The following POLE variants were observed in gnomAD, a reference collection of about 807,000 sequenced individuals.
POLE encodes the protein DNA polymerase epsilon, catalytic subunit.
POLE carries 188 observed loss-of-function variants against 279.2 expected under a neutral mutation model. That is an observed-to-expected ratio of 0.67 (90% CI 0.60 to 0.76). The LOEUF (loss-of-function observed/expected upper bound fraction) is 0.76. Among genes scored for constraint, POLE ranks in the 30% least tolerant of loss-of-function variants. POLE has a pLI of 0.00. For missense variants in POLE, 2,703 were observed against 3,016.7 expected, an observed-to-expected ratio of 0.90 and a Z score of 2.44; for synonymous variants, 1,214 against 1,172.5, an observed-to-expected ratio of 1.04 and a Z score of -0.72.
chr12:132,628,753 C>A (rs1382643467), intron 45 of POLE, among the ~76,000 whole-genome samples: 1 of 152,228 alleles, frequency 6.6e-6, no homozygotes, highest in Non-Finnish European at 1.5e-5. Flanking sequence ...CCTGAGATTG[C>A]AGCAACTTGG....
intron 15 of POLE, 81 bp downstream of exon 15, chr12:132,672,546 C>A (rs370245625): frequency 1.4e-6 from 2 of 1,432,376 alleles, no homozygotes; most frequent in East Asian, 2.3e-5. Flanking sequence ...GGAGAAGGGG[C>A]TTTATTTCAG....
At position 132,642,619 on chromosome 12, in the gene POLE, C is replaced by T. The variant is rs757552478; in HGVS notation, c.4839G>A (p.Val1613=). 3 of 1,613,522 alleles carry T rather than the reference C, an allele frequency of 1.9e-6. No homozygotes were observed. Among genetic ancestry groups the T allele is most frequent in the Admixed American group, 3.3e-5 (2 of 60,030 alleles). Residue 1613 remains valine (V), a synonymous_variant, in exon 37 of 49, where the codon GTG becomes GTA. Transcript: ENST00000320574. ...LEEFPLVPIC[V]ADKINYGVLD... The stretch of plus-strand genomic sequence containing the variant: ...GGACCCCATAGTTGATCTTGTCAGC[C>T]ACACAGATAGGCACCAGTGGGAATT...
intron 39 of POLE, chr12:132,641,332 G>A (rs149542405): frequency 4.0e-4 from 174 of 434,564 alleles, no homozygotes; most frequent in Non-Finnish European, 4.5e-4. Flanking sequence ...ATACTCAGTA[G>A]AGCTGGCTGG....
At chr12:132,670,010 T>A (rs1254184216) in intron 16 of POLE, among the ~76,000 whole-genome samples, 3 of 152,130 alleles carry the variant, frequency 2.0e-5, no homozygotes, top group African/African-American at 7.2e-5. Flanking sequence ...GAGCCTGGCA[T>A]CCTCACATCT....
intron 45 of POLE, among the ~76,000 whole-genome samples, chr12:132,629,068 C>A (rs74654992): frequency 6.6e-6 from 1 of 152,186 alleles, no homozygotes; most frequent in East Asian, 1.9e-4. Flanking sequence ...AAATAATAAA[C>A]GTTGAAAGTC....
In POLE at chr12:132,657,859, G is replaced by A. The variant is rs2138662512; in HGVS notation, c.3378+9C>T. 2 of 1,573,694 alleles carry A rather than the reference G, an allele frequency of 1.3e-6. No homozygotes were observed. The highest frequency in any genetic ancestry group is 1.7e-6 in the Non-Finnish European group (2 of 1,143,136). On this transcript the variant is annotated intron_variant, in intron 27 of 48. Transcript: ENST00000320574. ...ACTTTTAAGAGTAGAGAACGCAACTGGCACTCACTGCTCGAATATCAAAGT... is the reference window on the plus strand; with the variant it reads ...ACTTTTAAGAGTAGAGAACGCAACTAGCACTCACTGCTCGAATATCAAAGT...
chr12:132,657,055 C>T, intron 29 of POLE, 81 bp downstream of exon 29: 2 of 1,458,140 alleles, frequency 1.4e-6, no homozygotes, highest in Non-Finnish European at 1.9e-6. Flanking sequence ...TTCACTACAG[C>T]ACACACAGCA....
At chr12:132,629,274 C>T (rs887966128) in intron 45 of POLE, among the ~76,000 whole-genome samples, 24 of 152,324 alleles carry the variant, frequency 1.6e-4, no homozygotes, top group Admixed American at 5.2e-4. Flanking sequence ...GCAGTGGCTT[C>T]GACTTAAAGT....
At position 132,642,709 on chromosome 12, in the gene POLE, T is replaced by C. The variant is rs878854877; in HGVS notation, c.4749A>G (p.Thr1583=). Residue 1583 remains threonine (T), a synonymous_variant, in exon 37 of 49, where the codon ACA becomes ACG. Transcript: ENST00000320574. The stretch of plus-strand genomic sequence containing the variant: ...CCCAGCTGGACTGAACAGCGATGAG[T>C]GTGGGCCCCCGGCGCTCCTCCTGGG... ...LAYKEERRGP[T]LIAVQSSWEL... is the part of the protein sequence containing the mutation. The C allele has an allele frequency of 6.2e-6, 10 of 1,613,364 alleles. No individual in the cohort carries two copies. Among genetic ancestry groups the C allele is most frequent in the Non-Finnish European group, 7.6e-6 (9 of 1,179,764 alleles).
intron 41 of POLE, among the ~76,000 whole-genome samples, chr12:132,636,399 C>T (rs556809417): frequency 5.4e-5 from 8 of 148,586 alleles, no homozygotes; most frequent in African/African-American, 2.0e-4. Context: ...GTTAAGCCTC[C>T]CTAGCGCTGA....
rs2043137359 is a variant in POLE, at chr12:132,680,157, G to C, written c.330+21C>G. 6 of 1,612,830 alleles carry C rather than the reference G, an allele frequency of 3.7e-6. No homozygotes were observed. The East Asian group carries it at 1.3e-4, about 36-fold the overall frequency. On this transcript the variant is annotated intron_variant, in intron 4 of 48. Coordinates refer to ENST00000320574, the MANE Select transcript of POLE (RefSeq NM_006231.4). Reference sequence around the variant, plus strand: ...GAATGACACACAGGTCGTCTGACCTGAGTCTATGAAACACACTCACCTTTC... The same window carrying C: ...GAATGACACACAGGTCGTCTGACCTCAGTCTATGAAACACACTCACCTTTC...
In POLE at chr12:132,687,131, C is replaced by A. The variant is rs1593098454; in HGVS notation, c.62+123G>T. On this transcript the variant is annotated intron_variant, in intron 1 of 48. Transcript: ENST00000320574. ...GGCGCGCCGCCCTACCCCAGTCAGG[C>A]GCGGCGAGTGCGGGCGGCTGCGGGA... 1.4e-5 allele frequency: 7 copies of A among 506,674 alleles called. No homozygotes were observed. In the East Asian group the frequency reaches 2.6e-4, roughly 19 times the overall value. The allele number at this position is 506,674 out of a possible 1,614,324, so 31.4% of individuals were successfully genotyped here.
chr12:132,681,515 T>G (rs1351279673), intron 1 of POLE, among the ~76,000 whole-genome samples: 1 of 152,106 alleles, frequency 6.6e-6, no homozygotes, highest in Non-Finnish European at 1.5e-5. Context: ...GGCTAATTTT[T>G]TGTATTTTTA....
intron 26 of POLE, 68 bp downstream of exon 26, chr12:132,659,227 C>T (rs5744864): frequency 3.5e-5 from 52 of 1,495,768 alleles, no homozygotes; most frequent in African/African-American, 1.6e-4. Context: ...CTCTCCGTGA[C>T]GGAGGGAGCC....
chr12:132,678,731 G>C (rs2043108702), intron 6 of POLE, among the ~76,000 whole-genome samples: 1 of 152,226 alleles, frequency 6.6e-6, no homozygotes, highest in Non-Finnish European at 1.5e-5. Flanking sequence ...GCCTGTGCAT[G>C]GGTCTCTGCC....
At chr12:132,644,764 C>T (rs2042238411) in intron 32 of POLE, among the ~76,000 whole-genome samples, 5 of 102,824 alleles carry the variant, frequency 4.9e-5, no homozygotes, top group Non-Finnish European at 7.7e-5. Context: ...GGAGAGGGGG[C>T]ACCCTAGCTC....
intron 29 of POLE, among the ~76,000 whole-genome samples, chr12:132,656,131 G>A (rs1276199660): frequency 6.6e-6 from 1 of 151,852 alleles, no homozygotes; most frequent in Non-Finnish European, 1.5e-5. Flanking sequence ...GCATGGTGGT[G>A]TGTGCCTATA....
At chr12:132,674,277 G>C (rs902944579) in intron 12 of POLE, among the ~76,000 whole-genome samples, 1 of 152,140 alleles carries the variant, frequency 6.6e-6, no homozygotes, top group East Asian at 1.9e-4. Flanking sequence ...CTGTCCAGGG[G>C]TCATGTCCGG....
intron 45 of POLE, among the ~76,000 whole-genome samples, chr12:132,627,284 A>G (rs939896192): frequency 1.3e-5 from 2 of 151,662 alleles, no homozygotes; most frequent in African/African-American, 4.8e-5. Flanking sequence ...TCCATCTCAA[A>G]AAAAAAAAAA....
Sources: gnomAD v4.1 joint callset for allele counts (sites outside exome capture counted in the v4.1 genomes callset) on GRCh38, gnomAD v4.1.1 for gene constraint, MANE v1.5 for transcripts, NCBI Gene and HGNC (gene_info 2026-07-23, HGNC 2026-07-21) for gene names.